SORCS2: variants seen among roughly 807,000 people sequenced by gnomAD.
SORCS2 encodes the protein sortilin related VPS10 domain containing receptor 2.
Under a neutral mutation model 141.6 loss-of-function variants are expected in SORCS2, and 100 were observed. The ratio of observed to expected loss-of-function variants is 0.71; its 90% CI spans 0.60 to 0.83. The LOEUF (loss-of-function observed/expected upper bound fraction) is 0.83, where lower values mean the gene tolerates loss of function less well. Ranked by LOEUF, SORCS2 falls within the 40% of genes least tolerant of loss-of-function variation. The probability of loss-of-function intolerance (pLI) is 0.00; values close to 1 mark genes in which losing one functional copy is unlikely to be tolerated. For synonymous variants in SORCS2, 789 were observed against 676.9 expected, an observed-to-expected ratio of 1.17 and a Z score of -2.57; for missense variants, 1,646 against 1,560.2, an observed-to-expected ratio of 1.05 and a Z score of -0.93.
In SORCS2 at chr4:7,365,271, G is replaced by C. The variant is rs548753439; in HGVS notation, c.481-31017G>C. On this transcript the variant is annotated intron_variant, in intron 1 of 26. Transcript: ENST00000507866. ...AGGAAGGAGAGGTGGCTGGATTGCT[G>C]TCAGCAGAGCTGGAGGGCAGTGCAG... Among the ~76,000 whole-genome samples the C allele has an allele frequency of 3.3e-5, 5 of 152,308 alleles. No individual in the cohort carries two copies. In the East Asian group the frequency reaches 9.7e-4, roughly 29 times the overall value.
intron 2 of SORCS2, among the ~76,000 whole-genome samples, chr4:7,497,215 T>C (rs1450190378): frequency 6.6e-6 from 1 of 152,210 alleles, no homozygotes; most frequent in Non-Finnish European, 1.5e-5. Flanking sequence ...ATTTAAGGGC[T>C]AAAGAGAAAG....
chr4:7,494,839 C>T (rs934036453), intron 2 of SORCS2, among the ~76,000 whole-genome samples: 1 of 152,200 alleles, frequency 6.6e-6, no homozygotes, highest in Non-Finnish European at 1.5e-5. Context: ...CAGCAAGGAG[C>T]AGGGGATTGG....
intron 1 of SORCS2, among the ~76,000 whole-genome samples, chr4:7,212,834 C>T (rs763326194): frequency 5.8e-4 from 89 of 152,368 alleles, no homozygotes; most frequent in Middle Eastern, 3.4e-3. Context: ...GAAGAGAGTG[C>T]AGGTTCTGGG....
chr4:7,495,112 G>A (rs747793536), intron 2 of SORCS2, among the ~76,000 whole-genome samples: 4 of 152,210 alleles, frequency 2.6e-5, no homozygotes, highest in African/African-American at 7.2e-5. Flanking sequence ...GCCTGTCAGC[G>A]GTGCTGGTAC....
At chr4:7,297,582 C>T (rs1717162906) in intron 1 of SORCS2, among the ~76,000 whole-genome samples, 1 of 152,212 alleles carries the variant, frequency 6.6e-6, no homozygotes, top group Admixed American at 6.5e-5. Flanking sequence ...TGCTCAGTGA[C>T]TGTAAGCTCC....
chr4:7,574,539 G>A (rs1223039785), intron 3 of SORCS2, among the ~76,000 whole-genome samples: 10 of 152,066 alleles, frequency 6.6e-5, no homozygotes, highest in Admixed American at 3.9e-4. Flanking sequence ...ACCATGCCTC[G>A]TTAAAGGAGA....
At chr4:7,236,211 A>G (rs771783570) in intron 1 of SORCS2, among the ~76,000 whole-genome samples, 7 of 152,254 alleles carry the variant, frequency 4.6e-5, no homozygotes, top group Non-Finnish European at 1.0e-4. Flanking sequence ...GTGTCTGGAA[A>G]TGGAGGAGCT....
At chr4:7,734,202 G>C in intron 24 of SORCS2, 70 bp from the exon 25 acceptor site, 2 of 1,189,588 alleles carry the variant, frequency 1.7e-6, no homozygotes, top group Non-Finnish European at 2.4e-6. Flanking sequence ...GGGACAGACG[G>C]GATGGGCTGG....
chr4:7,654,801 A>G (rs974652182), intron 5 of SORCS2, among the ~76,000 whole-genome samples: 4 of 152,038 alleles, frequency 2.6e-5, no homozygotes, highest in Non-Finnish European at 5.9e-5. Flanking sequence ...ACAAGCCCCC[A>G]CCCTGGCCTC....
intron 2 of SORCS2, among the ~76,000 whole-genome samples, chr4:7,512,847 G>A (rs929514324): frequency 5.9e-5 from 9 of 152,258 alleles, no homozygotes; most frequent in African/African-American, 1.9e-4. Context: ...GAAACCCTGC[G>A]GAGGGCAGCT....
chr4:7,226,392 T>G (rs1251839552), intron 1 of SORCS2, among the ~76,000 whole-genome samples: 1 of 152,148 alleles, frequency 6.6e-6, no homozygotes, highest in African/African-American at 2.4e-5. Flanking sequence ...GGGCAGGAGC[T>G]GATGGAGCCC....
intron 3 of SORCS2, among the ~76,000 whole-genome samples, chr4:7,617,997 C>T (rs1718880471): frequency 6.6e-6 from 1 of 152,050 alleles, no homozygotes. Context: ...AATGTCATGG[C>T]TTCAGATATT....
intron 2 of SORCS2, among the ~76,000 whole-genome samples, chr4:7,497,436 G>A (rs13133220): frequency 6.6e-6 from 1 of 152,028 alleles, no homozygotes; most frequent in East Asian, 1.9e-4. Flanking sequence ...CCAGTGAAGG[G>A]TGAGGCTGTC....
chr4:7,720,876 C>T (rs150682037), intron 18 of SORCS2, among the ~76,000 whole-genome samples: 82 of 152,320 alleles, frequency 5.4e-4, no homozygotes, highest in Non-Finnish European at 1.0e-3. Context: ...GGATCACTTA[C>T]GCATGGCTGG....
At chr4:7,631,625 TTC>T (rs201219464) in intron 3 of SORCS2, among the ~76,000 whole-genome samples, 1,950 of 152,212 alleles carry the variant, frequency 0.013, 42 homozygotes, top group African/African-American at 0.044. Context: ...TCGGTGATGT[TTC>T]TGTCTGCTGT....
intron 2 of SORCS2, among the ~76,000 whole-genome samples, chr4:7,436,873 T>C (rs1192920578): frequency 2.0e-5 from 3 of 152,198 alleles, no homozygotes; most frequent in Non-Finnish European, 2.9e-5. Context: ...CTGGGTCTTA[T>C]GGAGGAGCGG....
At chr4:7,285,513 G>A (rs1438577239) in intron 1 of SORCS2, among the ~76,000 whole-genome samples, 1 of 152,252 alleles carries the variant, frequency 6.6e-6, no homozygotes, top group Non-Finnish European at 1.5e-5. Flanking sequence ...CCTGGCTGCA[G>A]TGGGCGGTTG....
chr4:7,556,555 A>C (rs959104549), intron 3 of SORCS2, among the ~76,000 whole-genome samples: 1 of 152,164 alleles, frequency 6.6e-6, no homozygotes, highest in Non-Finnish European at 1.5e-5. Context: ...GCTCATGGGA[A>C]ATCTGCACAA....
intron 1 of SORCS2, among the ~76,000 whole-genome samples, chr4:7,269,624 A>G (rs1714983484): frequency 6.6e-6 from 1 of 152,192 alleles, no homozygotes; most frequent in East Asian, 1.9e-4. Flanking sequence ...AGAGCGATGT[A>G]TCCCCAAGCC....
Sources: gnomAD v4.1 joint callset for allele counts (sites outside exome capture counted in the v4.1 genomes callset) on GRCh38, gnomAD v4.1.1 for gene constraint, MANE v1.5 for transcripts, NCBI Gene and HGNC (gene_info 2026-07-23, HGNC 2026-07-21) for gene names.